ZNF331: variants seen among roughly 807,000 people sequenced by gnomAD.
The protein encoded by ZNF331 is C2H2-like zinc finger protein rearranged in thyroid adenomas.
ZNF331 carries 2 observed loss-of-function variants against 7.0 expected under a neutral mutation model. That is an observed-to-expected ratio of 0.29 (90% CI 0.12 to 0.90). ZNF331 has a LOEUF of 0.90. Among genes scored for constraint, ZNF331 ranks in the 40% least tolerant of loss-of-function variants. The pLI is 0.58. For missense variants in ZNF331, 432 were observed against 587.7 expected (o/e 0.74, Z 2.74); for synonymous variants, 196 against 205.4 (o/e 0.95, Z 0.39).
At chr19:53,526,377 G>A (rs1463357685) in intron 2 of ZNF331, among the ~76,000 whole-genome samples, 2 of 152,174 alleles carry the variant, frequency 1.3e-5, no homozygotes, top group South Asian at 2.1e-4. Flanking sequence ...GAATTCAGCA[G>A]TGAGGGCATC....
the ZNF331 span, among the ~76,000 whole-genome samples, chr19:53,508,260 T>C: frequency 6.6e-6 from 1 of 152,322 alleles, no homozygotes; most frequent in Non-Finnish European, 1.5e-5. Context: ...TGACCATTCC[T>C]GGCAGAATGA....
At chr19:53,541,596 T>TA (rs1339532634) in intron 2 of ZNF331, among the ~76,000 whole-genome samples, 10 of 152,150 alleles carry the variant, frequency 6.6e-5, no homozygotes, top group African/African-American at 2.2e-4. Flanking sequence ...CCAGCCACTG[T>TA]ACCCTGCTCC....
chr19:53,541,315 A>C (rs1377423687), intron 2 of ZNF331, among the ~76,000 whole-genome samples: 4 of 152,080 alleles, frequency 2.6e-5, no homozygotes, highest in Non-Finnish European at 5.9e-5. Context: ...TTTGTTGGTC[A>C]GGCTGGTCTC....
intron 3 of ZNF331, among the ~76,000 whole-genome samples, chr19:53,561,814 C>G (rs1369829680): frequency 6.6e-6 from 1 of 152,150 alleles, no homozygotes; most frequent in East Asian, 1.9e-4. Context: ...GATCCCACCA[C>G]TGCCCTCCAG....
At chr19:53,525,365 A>C (rs190274473) in intron 2 of ZNF331, among the ~76,000 whole-genome samples, 1 of 152,100 alleles carries the variant, frequency 6.6e-6, no homozygotes, top group Admixed American at 6.5e-5. Context: ...CGGTATGGCC[A>C]TTTTCACGAT....
the ZNF331 span, among the ~76,000 whole-genome samples, chr19:53,509,879 T>C: frequency 1.3e-5 from 2 of 152,124 alleles, no homozygotes; most frequent in African/African-American, 2.4e-5. Context: ...AAACTTACAG[T>C]CATGGCAGAA....
Position 53,571,757 on chromosome 19 carries a change from G to T in ZNF331, c.136+27G>T. 2 of 1,584,212 alleles carry T rather than the reference G, an allele frequency of 1.3e-6. No homozygotes were observed. The highest frequency in any genetic ancestry group is 2.3e-5 in the South Asian group (2 of 87,208). On this transcript the variant is annotated intron_variant, in intron 5 of 5. Coordinates refer to ENST00000449416, the MANE Select transcript of ZNF331 (RefSeq NM_001079906.2). The surrounding 1 kb of genome is among the most constrained non-coding windows in gnomAD (Gnocchi z 4.7). ...TGAGTTGCACGCCTCAGATAACTTA[G>T]ACTGCCTCCTGGAATATCCGCTCTC...
In ZNF331 at chr19:53,545,310, C is replaced by T. The variant is rs114110669; in HGVS notation, c.-138+6028C>T. Among the ~76,000 whole-genome samples the T allele has an allele frequency of 4.5e-3, 684 of 152,282 alleles. 4 individuals carry two copies. Among genetic ancestry groups the T allele is most frequent in the African/African-American group, 0.015 (639 of 41,556 alleles). On this transcript the variant is annotated intron_variant, in intron 2 of 5. Transcript: ENST00000449416. ...TGTTAAGGGCCCGCACTATGCCACA[C>T]CCTGTGACGTTAGTACTTGGAATGA...
intron 3 of ZNF331, among the ~76,000 whole-genome samples, chr19:53,567,330 A>G (rs2090204649): frequency 6.6e-6 from 1 of 152,154 alleles, no homozygotes; most frequent in Non-Finnish European, 1.5e-5. Flanking sequence ...AGTTTGGATA[A>G]TACAGCCCCT....
At chr19:53,544,292 T>C (rs1430937777) in intron 2 of ZNF331, among the ~76,000 whole-genome samples, 2 of 149,534 alleles carry the variant, frequency 1.3e-5, no homozygotes, top group South Asian at 2.1e-4. Context: ...ATGCCTGTAA[T>C]CCCAGCACTT....
chr19:53,525,587 G>C (rs557718506), intron 2 of ZNF331, among the ~76,000 whole-genome samples: 1 of 152,300 alleles, frequency 6.6e-6, no homozygotes, highest in East Asian at 1.9e-4. Flanking sequence ...GAATGCTTGT[G>C]ACTTTTGCAC....
chr19:53,578,291 C>G lies in ZNF331; in HGVS notation c.*339C>G. On this transcript the variant is annotated 3_prime_UTR_variant, in exon 6 of 6. Coordinates refer to ENST00000449416, the MANE Select transcript of ZNF331 (RefSeq NM_001079906.2). ...GTCCTCACTTTGCTTAACAGTGGCC[C>G]CAGAGAGCAGGAGTAGTGATGCTGG... 3.5e-6 allele frequency: 1 copy of G among 287,704 alleles called. No homozygotes were observed. Among genetic ancestry groups the G allele is most frequent in the Non-Finnish European group, 6.6e-6 (1 of 150,540 alleles). 17.8% of individuals were successfully genotyped at this position (287,704 alleles called of 1,614,324 possible).
rs2088008444 is a variant in ZNF331, at chr19:53,539,774, T to C, written c.-138+492T>C. Among the ~76,000 whole-genome samples, 1 of 152,190 alleles carries C rather than the reference T, an allele frequency of 6.6e-6. No homozygotes were observed. The highest frequency in any genetic ancestry group is 2.4e-5 in the African/African-American group (1 of 41,458). On this transcript the variant is annotated intron_variant, in intron 2 of 5. Transcript: ENST00000449416. This position sits in a 1 kb window ranked among gnomAD's most constrained non-coding sequence, Gnocchi z 6.1. ...TTCATGGCATTAAGAAGGATGGACA[T>C]GCCCCAAAGACATTTAGACCCATTG...
the ZNF331 span, among the ~76,000 whole-genome samples, chr19:53,512,995 C>G: frequency 6.6e-6 from 1 of 151,786 alleles, no homozygotes; most frequent in South Asian, 2.1e-4. Context: ...GGTTGAGAAG[C>G]ATCAGAATCG....
At chr19:53,543,087 G>A (rs1234045468) in intron 2 of ZNF331, among the ~76,000 whole-genome samples, 1 of 152,084 alleles carries the variant, frequency 6.6e-6, no homozygotes, top group Non-Finnish European at 1.5e-5. Flanking sequence ...GGGATTACAG[G>A]CATGAGCCAC....
exon 1 of ZNF331, chr19:53,521,072 G>T (rs2087056044): frequency 6.6e-6 from 1 of 152,290 alleles, no homozygotes. Context: ...TGAGGGGCGT[G>T]CTTCATGCTC....
chr19:53,572,581 A>G (rs1403186106), intron 5 of ZNF331, among the ~76,000 whole-genome samples: 4 of 59,728 alleles, frequency 6.7e-5, no homozygotes, highest in Non-Finnish European at 1.4e-4. Context: ...TATTATATAT[A>G]CACATATATA....
Position 53,573,034 on chromosome 19 carries a change from C to G in ZNF331, c.136+1304C>G. On this transcript the variant is annotated intron_variant, in intron 5 of 5. Transcript: ENST00000449416. The surrounding 1 kb of genome is among the most constrained non-coding windows in gnomAD (Gnocchi z 4.2). ...AGGAGTTAGAGACCAGCCTGGCCAA[C>G]ATGGTGAAACCCTGTCTCTACTAAA... Among the ~76,000 whole-genome samples the G allele has an allele frequency of 6.6e-6, 1 of 152,118 alleles. No individual in the cohort carries two copies. The highest frequency in any genetic ancestry group is 1.9e-4 in the East Asian group (1 of 5,194).
the ZNF331 span, among the ~76,000 whole-genome samples, chr19:53,509,815 A>C: frequency 6.6e-6 from 1 of 152,188 alleles, no homozygotes; most frequent in Non-Finnish European, 1.5e-5. Context: ...GGTAATTTAT[A>C]CAGAAAAGAG....
Sources: gnomAD v4.1 joint callset for allele counts (sites outside exome capture counted in the v4.1 genomes callset) on GRCh38, gnomAD v4.1.1 for gene constraint, Gnocchi (gnomAD v3.1) non-coding constraint, MANE v1.5 for transcripts, NCBI Gene and HGNC (gene_info 2026-07-23, HGNC 2026-07-21) for gene names.